RRBP1: variants seen among roughly 807,000 people sequenced by gnomAD.
RRBP1 encodes the protein ribosome-binding protein 1.
Under a neutral mutation model 165.2 loss-of-function variants are expected in RRBP1, and 94 were observed. That is an observed-to-expected ratio of 0.57 (90% CI 0.48 to 0.68). RRBP1 has a LOEUF of 0.68. Ranked by LOEUF, RRBP1 falls within the 30% of genes least tolerant of loss-of-function variation. RRBP1 has a pLI of 0.00. For synonymous variants in RRBP1, 680 were observed against 714.5 expected (o/e 0.95, Z 0.77); for missense variants, 1,676 against 1,763.0 (o/e 0.95, Z 0.88).
At chr20:17,681,119 G>A (rs1438873880) in intron 1 of RRBP1, among the ~76,000 whole-genome samples, 1 of 151,404 alleles carries the variant, frequency 6.6e-6, no homozygotes, top group Non-Finnish European at 1.5e-5. Flanking sequence ...GCACCAGGCC[G>A]GGTGCCAGCG....
chr20:17,675,739 G>A (rs926884905), intron 2 of RRBP1, among the ~76,000 whole-genome samples: 3 of 152,250 alleles, frequency 2.0e-5, no homozygotes, highest in African/African-American at 7.2e-5. Context: ...CAGAGGACAG[G>A]GAGATGGTAG....
chr20:17,636,670 C>A lies in RRBP1; in HGVS notation c.2244G>T (p.Leu748=). The change falls in exon 6 of 25, where the codon CTG becomes CTT. Residue 748 remains leucine, a synonymous_variant. Transcript: ENST00000377813. ...AAGEAKVKKQ[L]VAREQEITAV... ...CCGTGATCTCCTGCTCCCGGGCCAC[C>A]AGCTGCTTTTTCACTTTGGCCTCCC... 1 of 1,613,398 alleles carries A rather than the reference C, an allele frequency of 6.2e-7. No individual in the cohort carries two copies. Among genetic ancestry groups the A allele is most frequent in the South Asian group, 1.1e-5 (1 of 91,088 alleles).
chr20:17,673,338 G>A (rs1320474957), intron 2 of RRBP1, among the ~76,000 whole-genome samples: 1 of 152,192 alleles, frequency 6.6e-6, no homozygotes, highest in African/African-American at 2.4e-5. Context: ...TGACCTGACA[G>A]GGCAGTGACT....
intron 13 of RRBP1, chr20:17,623,222 C>CTAA (rs1490711741): frequency 6.6e-6 from 1 of 152,288 alleles, no homozygotes; most frequent in Non-Finnish European, 1.5e-5. Flanking sequence ...TTCTAGGAGT[C>CTAA]TAACTATAGC....
At chr20:17,681,165 G>A (rs1481991900) in intron 1 of RRBP1, among the ~76,000 whole-genome samples, 2 of 150,288 alleles carry the variant, frequency 1.3e-5, no homozygotes, top group South Asian at 4.2e-4. Flanking sequence ...CTTCCGCCCG[G>A]GGCTGGCACC....
At chr20:17,669,090 G>C (rs2036925635) in intron 2 of RRBP1, among the ~76,000 whole-genome samples, 1 of 151,996 alleles carries the variant, frequency 6.6e-6, no homozygotes, top group Non-Finnish European at 1.5e-5. Context: ...TCATTTCTAA[G>C]AGGATACATA....
intron 9 of RRBP1, among the ~76,000 whole-genome samples, chr20:17,628,143 C>T (rs1402704659): frequency 6.6e-6 from 1 of 152,114 alleles, no homozygotes; most frequent in Non-Finnish European, 1.5e-5. Flanking sequence ...ACTCTTCTGC[C>T]CTGGGCCCCT....
Position 17,616,000 on chromosome 20 carries a change from G to GC in RRBP1, c.3876dup (p.Gln1293AlafsTer12). 1.2e-6 allele frequency: 2 copies of GC among 1,606,066 alleles called. No individual in the cohort carries two copies. Among genetic ancestry groups the GC allele is most frequent in the Non-Finnish European group, 1.7e-6 (2 of 1,179,712 alleles). On this transcript the variant is annotated frameshift_variant, in exon 22 of 25. Transcript: ENST00000377813. LOFTEE classifies it high-confidence loss of function. Reference sequence around the variant, plus strand: ...AGGATGGCTTCTGTCCACTCCAGCTGCGTCTTCAGCTGTGCAAACACCGCA... The same window carrying GC: ...AGGATGGCTTCTGTCCACTCCAGCTGCCGTCTTCAGCTGTGCAAACACCGCA...
chr20:17,665,072 T>TTA lies in RRBP1; in HGVS notation c.-21-4546_-21-4545dup, dbSNP rs547459909. ...TGCCATATGCACTTTAGATATTTATTTATATATATATGTATGTGCCTGTGT... is the reference window on the plus strand; with the variant it reads ...TGCCATATGCACTTTAGATATTTATTTATATATATATATGTATGTGCCTGTGT... On this transcript the variant is annotated intron_variant, in intron 2 of 24. Transcript: ENST00000377813. Among the ~76,000 whole-genome samples the TTA allele has an allele frequency of 1.8e-4, 27 of 152,138 alleles. 1 individual carries two copies. Among genetic ancestry groups the TTA allele is most frequent in the East Asian group, 1.2e-3 (6 of 5,170 alleles).
At chr20:17,633,296 G>T (rs1416979573) in intron 8 of RRBP1, among the ~76,000 whole-genome samples, 164 bp downstream of exon 8, 13 of 152,234 alleles carry the variant, frequency 8.5e-5, no homozygotes, top group Admixed American at 8.5e-4. Flanking sequence ...AGGAGACTAA[G>T]GTGAAGAGTT....
At chr20:17,642,800 T>C (rs532558971) in intron 4 of RRBP1, among the ~76,000 whole-genome samples, 179 bp downstream of exon 4, 4 of 152,312 alleles carry the variant, frequency 2.6e-5, no homozygotes, top group Non-Finnish European at 4.4e-5. Context: ...AGCCAGGCCA[T>C]GGGTGGCTTG....
At position 17,627,611 on chromosome 20, in the gene RRBP1, C is replaced by G. The variant is rs747675126; in HGVS notation, c.2821G>C (p.Gly941Arg). 6 of 1,613,454 alleles carry G rather than the reference C, an allele frequency of 3.7e-6. No individual in the cohort carries two copies. Among genetic ancestry groups the G allele is most frequent in the South Asian group, 3.3e-5 (3 of 91,036 alleles). ...SKCEELSGLHGQLQEARAENS... is the reference protein window; with the variant it reads ...SKCEELSGLHRQLQEARAENS... ...TCCGCCCTGGCCTCCTGGAGCTGCC[C>G]GTGGAGGCCACTCAGCTCCTCGCAT... Residue 941 changes from glycine (G) to arginine (R), a missense_variant, in exon 10 of 25, where the codon GGG becomes CGG. By Grantham distance (125) the Gly-to-Arg change is moderately radical. Coordinates refer to ENST00000377813, the MANE Select transcript of RRBP1 (RefSeq NM_001365613.2).
At chr20:17,655,576 G>T (rs1054223490) in intron 3 of RRBP1, among the ~76,000 whole-genome samples, 9 of 152,178 alleles carry the variant, frequency 5.9e-5, no homozygotes, top group African/African-American at 2.2e-4. Flanking sequence ...CTGTGTCTGG[G>T]TGAGCCGCAT....
At position 17,627,689 on chromosome 20, in the gene RRBP1, C is replaced by T. The variant is rs2036055967; in HGVS notation, c.2750-7G>A. ...TGTAACTTGCTGTGCAGCTCTGGTG[C>T]AGAGGAAGGGAAACGAGAAGTTAAG... On this transcript the variant is annotated splice_region_variant and splice_polypyrimidine_tract_variant and intron_variant, in intron 9 of 24. Coordinates refer to ENST00000377813, the MANE Select transcript of RRBP1 (RefSeq NM_001365613.2). 1 of 1,582,226 alleles carries T rather than the reference C, an allele frequency of 6.3e-7. No individual in the cohort carries two copies. Among genetic ancestry groups the T allele is most frequent in the Non-Finnish European group, 8.6e-7 (1 of 1,162,652 alleles).
At chr20:17,678,725 A>G (rs773452164) in intron 2 of RRBP1, among the ~76,000 whole-genome samples, 31 of 152,208 alleles carry the variant, frequency 2.0e-4, no homozygotes, top group Non-Finnish European at 3.5e-4. Flanking sequence ...TTTGACTCAG[A>G]AATTGAATTT....
intron 7 of RRBP1, 22 bp from the exon 8 acceptor site, chr20:17,633,635 G>A (rs1159843857): frequency 1.2e-5 from 20 of 1,611,432 alleles, no homozygotes; most frequent in Non-Finnish European, 1.4e-5. Context: ...TCACCAGCCC[G>A]ACTAATGGAA....
chr20:17,646,528 G>A (rs1459645122), intron 3 of RRBP1, among the ~76,000 whole-genome samples: 3 of 152,128 alleles, frequency 2.0e-5, no homozygotes, highest in Non-Finnish European at 4.4e-5. Flanking sequence ...CCTACAAAAC[G>A]GGGATGATCA....
chr20:17,681,976 C>G (rs545909891), intron 1 of RRBP1, 52 bp downstream of exon 1: 15 of 148,770 alleles, frequency 1.0e-4, no homozygotes, highest in African/African-American at 3.4e-4. Context: ...CCCCGGCCCC[C>G]CGACGGCCCG....
intron 3 of RRBP1, among the ~76,000 whole-genome samples, chr20:17,648,974 C>T (rs911666247): frequency 1.3e-5 from 2 of 152,196 alleles, no homozygotes; most frequent in African/African-American, 2.4e-5. Context: ...GGGCAGTGAC[C>T]GGAGTCCCAG....
Sources: allele counts gnomAD v4.1 joint callset (sites outside exome capture counted in the v4.1 genomes callset), GRCh38; gene constraint gnomAD v4.1.1; transcripts MANE v1.5; gene names NCBI Gene and HGNC (gene_info 2026-07-23, HGNC 2026-07-21).